PLA2G15: variants seen among roughly 807,000 people sequenced by gnomAD.
PLA2G15 encodes lysosomal phospholipase A and acyltransferase.
Under a neutral mutation model 40.9 loss-of-function variants are expected in PLA2G15, and 20 were observed. The observed-to-expected ratio is 0.49, with a 90% CI of 0.34 to 0.71. PLA2G15 has a LOEUF of 0.71. Ranked by LOEUF, PLA2G15 falls within the 30% of genes least tolerant of loss-of-function variation. PLA2G15 has a pLI of 0.01. For synonymous variants in PLA2G15, 223 were observed against 228.2 expected, an observed-to-expected ratio of 0.98 and a Z score of 0.21; for missense variants, 471 against 541.9, an observed-to-expected ratio of 0.87 and a Z score of 1.30.
At chr16:68,247,852 T>C (rs562072652) in intron 1 of PLA2G15, among the ~76,000 whole-genome samples, 52 of 152,234 alleles carry the variant, frequency 3.4e-4, no homozygotes, top group African/African-American at 1.1e-3. Context: ...GGGGATGTGT[T>C]TGGGAAGTGG....
chr16:68,246,890 T>C (rs1246815590), intron 1 of PLA2G15, among the ~76,000 whole-genome samples: 1 of 152,072 alleles, frequency 6.6e-6, no homozygotes, highest in Non-Finnish European at 1.5e-5. Flanking sequence ...CTGAACTTTA[T>C]CTTGAGGGCC....
At chr16:68,257,305 A>T (rs1567574377) in intron 5 of PLA2G15, among the ~76,000 whole-genome samples, 1 of 152,146 alleles carries the variant, frequency 6.6e-6, no homozygotes, top group South Asian at 2.1e-4. Flanking sequence ...GATTACAAGG[A>T]TGAGCCACTG....
intron 2 of PLA2G15, chr16:68,254,283 T>A (rs187032531): frequency 1.9e-4 from 29 of 152,100 alleles, no homozygotes; most frequent in Non-Finnish European, 2.9e-5. Flanking sequence ...CTCATTTGGA[T>A]GTAATTACTC....
intron 2 of PLA2G15, among the ~76,000 whole-genome samples, chr16:68,250,775 G>A (rs1238525685): frequency 6.6e-6 from 1 of 152,166 alleles, no homozygotes; most frequent in Non-Finnish European, 1.5e-5. Flanking sequence ...AGCTACTTAG[G>A]GGGCTGAGGC....
intron 2 of PLA2G15, chr16:68,254,593 C>T (rs2042385636): frequency 5.6e-6 from 1 of 179,308 alleles, no homozygotes; most frequent in Non-Finnish European, 1.2e-5. Flanking sequence ...CCAGCCTCAG[C>T]CTCCCAAAGT....
Position 68,245,522 on chromosome 16 carries a change from C to T in PLA2G15, c.96C>T (p.Leu32=), listed in dbSNP as rs1418697568. Residue 32 remains leucine, a synonymous_variant, in exon 1 of 6, where the codon CTC becomes CTT. Coordinates refer to ENST00000219345, the MANE Select transcript of PLA2G15 (RefSeq NM_012320.4). ...LLLMLLADPA[L]PAGRHPPVVL... is the part of the protein sequence containing the mutation. ...TAATGCTGCTCGCGGACCCAGCGCT[C>T]CCGGCCGGACGTCACCCCCCAGTGG... 4.4e-6 allele frequency: 7 copies of T among 1,593,782 alleles called. No homozygotes were observed. The highest frequency in any genetic ancestry group is 6.0e-6 in the Non-Finnish European group (7 of 1,174,870).
At chr16:68,254,049 G>T (rs2042379458) in intron 2 of PLA2G15, among the ~76,000 whole-genome samples, 1 of 152,120 alleles carries the variant, frequency 6.6e-6, no homozygotes, top group Non-Finnish European at 1.5e-5. Context: ...ACGTTGGGCT[G>T]GCAGGAGCTG....
Position 68,259,622 on chromosome 16 carries a change from C to G in PLA2G15, c.1204C>G (p.Leu402Val). 2 of 1,613,108 alleles carry G rather than the reference C, an allele frequency of 1.2e-6. No homozygotes were observed. Among genetic ancestry groups the G allele is most frequent in the African/African-American group, 1.3e-5 (1 of 75,070 alleles). ...HIEMLANATT[L>V]AYLKRVLLGP ...CGAGATGCTGGCCAACGCCACCACC[C>G]TGGCCTATCTGAAACGTGTGCTCCT... The change falls in exon 6 of 6, where the codon CTG (leucine) becomes GTG (valine). Residue 402 changes from leucine to valine, a missense_variant. Coordinates refer to ENST00000219345, the MANE Select transcript of PLA2G15 (RefSeq NM_012320.4). This position sits in a 1 kb window ranked among gnomAD's most constrained non-coding sequence, Gnocchi z 6.5.
chr16:68,259,077 G>C lies in PLA2G15; in HGVS notation c.728-69G>C. The C allele has an allele frequency of 7.1e-7, 1 of 1,403,698 alleles. No individual in the cohort carries two copies. Among genetic ancestry groups the C allele is most frequent in the Non-Finnish European group, 9.8e-7 (1 of 1,021,818 alleles). 87.0% of individuals were successfully genotyped at this position (1,403,698 alleles called of 1,614,324 possible). A position where few individuals can be genotyped will look rare whatever the true frequency, so the allele number is the denominator to read the frequency against. ...CCTGGCTGGGGTCTGGCAGGGGCCT[G>C]GTGGTGAACATGCTGCCCAACCAGC... On this transcript the variant is annotated intron_variant, in intron 5 of 5. Coordinates refer to ENST00000219345, the MANE Select transcript of PLA2G15 (RefSeq NM_012320.4). This position sits in a 1 kb window ranked among gnomAD's most constrained non-coding sequence, Gnocchi z 6.5.
At chr16:68,250,228 T>C (rs2042343131) in intron 2 of PLA2G15, 1 of 294,904 alleles carries the variant, frequency 3.4e-6, no homozygotes, top group Non-Finnish European at 6.4e-6. Flanking sequence ...TTGCCCAGGC[T>C]GGAGTGCAAT....
In PLA2G15 at chr16:68,259,634, A is replaced by G; in HGVS notation, c.1216A>G (p.Lys406Glu). Residue 406 changes from lysine (K) to glutamate (E), a missense_variant, in exon 6 of 6, where the codon AAA (lysine) becomes GAA (glutamate). Lys to Glu is a moderately conservative substitution (Grantham distance 56, BLOSUM62 1). Transcript: ENST00000219345. This position sits in a 1 kb window ranked among gnomAD's most constrained non-coding sequence, Gnocchi z 6.5. ...CAACGCCACCACCCTGGCCTATCTG[A>G]AACGTGTGCTCCTTGGGCCCTGACT... ...LANATTLAYL[K>E]RVLLGP is the part of the protein sequence containing the mutation. The G allele has an allele frequency of 6.2e-7, 1 of 1,612,554 alleles. No homozygotes were observed. The highest frequency in any genetic ancestry group is 8.5e-7 in the Non-Finnish European group (1 of 1,179,520).
intron 1 of PLA2G15, among the ~76,000 whole-genome samples, chr16:68,247,141 G>A (rs1231489261): frequency 6.6e-6 from 1 of 152,098 alleles, no homozygotes; most frequent in Non-Finnish European, 1.5e-5. Flanking sequence ...TGAGGCTGCT[G>A]GCCTTAGCCC....
rs752703350 is a variant in PLA2G15, at chr16:68,259,923, C to A, written c.*266C>A. ...AACTGCTGTGACCTTAGGACTGGCTCCACAGGGTGGACTGGCTGGGCCCTG... is the reference window on the plus strand; with the variant it reads ...AACTGCTGTGACCTTAGGACTGGCTACACAGGGTGGACTGGCTGGGCCCTG... On this transcript the variant is annotated 3_prime_UTR_variant, in exon 6 of 6. Transcript: ENST00000219345. The surrounding 1 kb of genome is among the most constrained non-coding windows in gnomAD (Gnocchi z 6.5). 3.9e-6 allele frequency: 2 copies of A among 519,014 alleles called. No homozygotes were observed. The highest frequency in any genetic ancestry group is 1.9e-5 in the African/African-American group (1 of 52,316). The allele number at this position is 519,014 out of a possible 1,614,324, so 32.2% of individuals were successfully genotyped here. A position where few individuals can be genotyped will look rare whatever the true frequency, so the allele number is the denominator to read the frequency against.
chr16:68,252,061 G>T (rs1051623050), intron 2 of PLA2G15, among the ~76,000 whole-genome samples: 6 of 152,102 alleles, frequency 3.9e-5, no homozygotes, highest in Non-Finnish European at 1.5e-5. Flanking sequence ...AGTTGGAGGT[G>T]CCAGCTGATA....
In PLA2G15 at chr16:68,260,897, C is replaced by G. The variant is rs7672; in HGVS notation, c.*1240C>G. The G allele has an allele frequency of 0.78, 118,963 of 152,358 alleles. 47,279 individuals are homozygous for G. Among genetic ancestry groups the G allele is most frequent in the African/African-American group, 0.94 (39,054 of 41,576 alleles). The allele number at this position is 152,358 out of a possible 1,614,324, so 9.4% of individuals were successfully genotyped here. A position where few individuals can be genotyped will look rare whatever the true frequency, so the allele number is the denominator to read the frequency against. On this transcript the variant is annotated 3_prime_UTR_variant, in exon 6 of 6. Coordinates refer to ENST00000219345, the MANE Select transcript of PLA2G15 (RefSeq NM_012320.4). ...GGTGGGGTTCCCAAAGACGCCTTCA[C>G]GCTGGACTGAGCTGCTCTCCCACAG...
intron 1 of PLA2G15, among the ~76,000 whole-genome samples, chr16:68,247,419 G>A (rs747454069): frequency 2.0e-5 from 3 of 152,216 alleles, no homozygotes; most frequent in Non-Finnish European, 2.9e-5. Context: ...TGAGGTGAAA[G>A]GCATGTGGAT....
chr16:68,256,222 G>T (rs1004868279), intron 5 of PLA2G15: 2 of 491,886 alleles, frequency 4.1e-6, no homozygotes, highest in African/African-American at 1.9e-5. Context: ...TGTCTCAGGT[G>T]GGGGCAAGAC....
In PLA2G15 at chr16:68,259,982, CT is replaced by C. The variant is rs2042433313; in HGVS notation, c.*326del. 3 of 390,070 alleles carry C rather than the reference CT, an allele frequency of 7.7e-6. 1 individual carries two copies. In the East Asian group the frequency reaches 1.6e-4, roughly 21 times the overall value. The allele number at this position is 390,070 out of a possible 1,614,324, so 24.2% of individuals were successfully genotyped here. A position where few individuals can be genotyped will look rare whatever the true frequency, so the allele number is the denominator to read the frequency against. On this transcript the variant is annotated 3_prime_UTR_variant, in exon 6 of 6. Transcript: ENST00000219345. The surrounding 1 kb of genome is among the most constrained non-coding windows in gnomAD (Gnocchi z 6.5). ...CCCTGCCTGGGGCCATGTGTCCCCC[CT>C]ATTCCTGTGGGCTTTTCATACTTGC...
In PLA2G15 at chr16:68,256,066, C is replaced by A. The variant is rs185835521; in HGVS notation, c.727+76C>A. The A allele has an allele frequency of 5.0e-4, 473 of 946,964 alleles. 1 individual carries two copies. The highest frequency in any genetic ancestry group is 6.5e-4 in the Non-Finnish European group (411 of 633,546). 58.7% of individuals were successfully genotyped at this position (946,964 alleles called of 1,614,324 possible). A position where few individuals can be genotyped will look rare whatever the true frequency, so the allele number is the denominator to read the frequency against. On this transcript the variant is annotated intron_variant, in intron 5 of 5. Transcript: ENST00000219345. ...CTCTCTTCCCTTCCTAAGTGTCCTC[C>A]TGGGCCAGCATGCCTCGTGTCTGTC...
Sources: gnomAD v4.1 joint callset for allele counts (sites outside exome capture counted in the v4.1 genomes callset) on GRCh38, gnomAD v4.1.1 for gene constraint, Gnocchi (gnomAD v3.1) non-coding constraint, MANE v1.5 for transcripts, NCBI Gene and HGNC (gene_info 2026-07-23, HGNC 2026-07-21) for gene names.